The following MAML3 variants were observed in gnomAD, a reference collection of about 807,000 sequenced individuals.
MAML3 encodes mastermind-like protein 3.
A neutral mutation model predicts 101.9 loss-of-function variants in MAML3; 27 were observed. The ratio of observed to expected loss-of-function variants is 0.27; its 90% CI spans 0.20 to 0.37. The LOEUF is 0.37. Ranked by LOEUF, MAML3 falls within the 10% of genes least tolerant of loss-of-function variation. The probability of loss-of-function intolerance (pLI) is 1.00; values close to 1 mark genes in which losing one functional copy is unlikely to be tolerated. For synonymous variants in MAML3, 501 were observed against 555.9 expected (o/e 0.90, Z 1.39); for missense variants, 1,316 against 1,444.9 (o/e 0.91, Z 1.45).
At chr4:139,932,019 CA>C (rs993709278) in intron 1 of MAML3, among the ~76,000 whole-genome samples, 11 of 146,240 alleles carry the variant, frequency 7.5e-5, no homozygotes, top group Non-Finnish European at 3.0e-5. Flanking sequence ...AACTCTGTCT[CA>C]AAAAAAAAAG....
intron 3 of MAML3, among the ~76,000 whole-genome samples, chr4:139,727,854 G>C (rs942522503): frequency 1.3e-5 from 2 of 152,178 alleles, no homozygotes; most frequent in African/African-American, 4.8e-5. Flanking sequence ...TCCAAAGTGT[G>C]AGGACACTTT....
chr4:139,893,764 T>C (rs1252726069), intron 1 of MAML3, among the ~76,000 whole-genome samples: 1 of 152,128 alleles, frequency 6.6e-6, no homozygotes, highest in Non-Finnish European at 1.5e-5. Flanking sequence ...GCTAACTCTA[T>C]GGATTTATCA....
intron 2 of MAML3, among the ~76,000 whole-genome samples, chr4:139,775,508 G>T (rs1370772824): frequency 2.0e-5 from 3 of 152,030 alleles, no homozygotes; most frequent in African/African-American, 7.2e-5. Flanking sequence ...TAATTTAGTT[G>T]CCATTTCAAA....
At chr4:140,105,247 G>T (rs1383991868) in intron 1 of MAML3, among the ~76,000 whole-genome samples, 1 of 152,210 alleles carries the variant, frequency 6.6e-6, no homozygotes, top group Non-Finnish European at 1.5e-5. Flanking sequence ...CACATTCTTG[G>T]ATAAAACATC....
intron 2 of MAML3, among the ~76,000 whole-genome samples, chr4:139,746,403 G>C (rs1729321473): frequency 1.3e-5 from 2 of 152,070 alleles, no homozygotes; most frequent in African/African-American, 2.4e-5. Flanking sequence ...CTTGGAGACT[G>C]AGTGTCTTCT....
chr4:139,748,168 A>AC (rs902315563), intron 2 of MAML3, among the ~76,000 whole-genome samples: 14 of 152,018 alleles, frequency 9.2e-5, no homozygotes, highest in African/African-American at 3.4e-4. Context: ...GCTTCCAGAT[A>AC]CCCACAGGCT....
intron 1 of MAML3, among the ~76,000 whole-genome samples, chr4:140,017,876 G>A (rs1346041105): frequency 2.6e-5 from 4 of 151,790 alleles, no homozygotes; most frequent in Non-Finnish European, 4.4e-5. Context: ...TTAATACCCT[G>A]GTTGATAGAC....
intron 2 of MAML3, among the ~76,000 whole-genome samples, chr4:139,830,876 T>A (rs1189544521): frequency 6.6e-6 from 1 of 152,144 alleles, no homozygotes; most frequent in Non-Finnish European, 1.5e-5. Context: ...GCAGAAATCA[T>A]TCAGACATAG....
chr4:139,741,978 A>G (rs916386476), intron 2 of MAML3, among the ~76,000 whole-genome samples: 2 of 152,176 alleles, frequency 1.3e-5, no homozygotes, highest in Non-Finnish European at 2.9e-5. Context: ...ACCTTGAAAG[A>G]CTTGGAGACA....
chr4:140,043,259 A>C (rs959717771), intron 1 of MAML3, among the ~76,000 whole-genome samples: 3 of 152,170 alleles, frequency 2.0e-5, no homozygotes, highest in Non-Finnish European at 2.9e-5. Context: ...GGTCTGCTAA[A>C]TCTATCTAGA....
At chr4:139,986,617 CTT>C (rs113575434) in intron 1 of MAML3, among the ~76,000 whole-genome samples, 68 of 147,094 alleles carry the variant, frequency 4.6e-4, no homozygotes, top group Admixed American at 2.6e-3. Context: ...GTTCGACTTA[CTT>C]TTTTTTTTTT....
chr4:139,959,553 CCAG>C, intron 1 of MAML3, among the ~76,000 whole-genome samples: 1 of 152,304 alleles, frequency 6.6e-6, no homozygotes, highest in East Asian at 1.9e-4. Flanking sequence ...CAAAAACTGG[CCAG>C]CAGCAGTTTT....
rs374800969 is a variant in MAML3 at position 139,730,305 on chromosome 4, C to T, written c.2331+111G>A. Reference sequence around the variant, plus strand: ...CTTGTGATCCTGGGAAATGCTAGACCGTGAGCATCTTGATGGAGGATGTGA... The same window carrying T: ...CTTGTGATCCTGGGAAATGCTAGACTGTGAGCATCTTGATGGAGGATGTGA... On this transcript the variant is annotated intron_variant, in intron 3 of 4. Coordinates refer to ENST00000509479, the MANE Select transcript of MAML3 (RefSeq NM_018717.5). The T allele has an allele frequency of 1.3e-3, 1,215 of 933,476 alleles. 19 individuals are homozygous for T. In the South Asian group the frequency reaches 0.018, roughly 14 times the overall value. The allele number at this position is 933,476 out of a possible 1,614,324, so 57.8% of individuals were successfully genotyped here. A position where few individuals can be genotyped will look rare whatever the true frequency, so the allele number is the denominator to read the frequency against.
intron 1 of MAML3, among the ~76,000 whole-genome samples, chr4:140,088,553 C>G (rs887908546): frequency 6.6e-6 from 1 of 152,134 alleles, no homozygotes; most frequent in Non-Finnish European, 1.5e-5. Flanking sequence ...TAGTCTTTGT[C>G]CTATTCTACG....
At chr4:140,065,328 C>T (rs539159685) in intron 1 of MAML3, among the ~76,000 whole-genome samples, 19 of 151,378 alleles carry the variant, frequency 1.3e-4, no homozygotes, top group African/African-American at 3.6e-4. Context: ...AGGTAGAAGC[C>T]GATCTCTCTA....
chr4:140,127,841 C>T (rs1442011944), intron 1 of MAML3, among the ~76,000 whole-genome samples: 5 of 152,164 alleles, frequency 3.3e-5, no homozygotes, highest in Non-Finnish European at 7.3e-5. Context: ...AGAGATTTAA[C>T]CTCCTGGACC....
Position 140,153,503 on chromosome 4 carries a change from G to T in MAML3, c.-176C>A. On this transcript the variant is annotated 5_prime_UTR_variant, in exon 1 of 5. Transcript: ENST00000509479. ...AAAACGGGGGGGGAGATTTTGGGGTGGTTTTTGTTTCCTTTTTTTAAACTG... is the reference window on the plus strand; with the variant it reads ...AAAACGGGGGGGGAGATTTTGGGGTTGTTTTTGTTTCCTTTTTTTAAACTG... The T allele has an allele frequency of 2.9e-6, 2 of 685,068 alleles. No individual in the cohort carries two copies. The highest frequency in any genetic ancestry group is 4.5e-6 in the Non-Finnish European group (2 of 444,398). 42.4% of individuals were successfully genotyped at this position (685,068 alleles called of 1,614,324 possible). A position where few individuals can be genotyped will look rare whatever the true frequency, so the allele number is the denominator to read the frequency against.
intron 1 of MAML3, among the ~76,000 whole-genome samples, chr4:140,033,171 T>C (rs1314868405): frequency 6.6e-6 from 1 of 152,190 alleles, no homozygotes; most frequent in Non-Finnish European, 1.5e-5. Flanking sequence ...ATTGAACACA[T>C]CCTGTGAACA....
intron 1 of MAML3, among the ~76,000 whole-genome samples, chr4:139,955,520 A>C (rs1292251014): frequency 1.3e-5 from 2 of 151,992 alleles, no homozygotes; most frequent in Non-Finnish European, 2.9e-5. Context: ...TTAACAACTG[A>C]CTCATGTATC....
Sources: gnomAD v4.1 joint callset for allele counts (sites outside exome capture counted in the v4.1 genomes callset) on GRCh38, gnomAD v4.1.1 for gene constraint, MANE v1.5 for transcripts, NCBI Gene and HGNC (gene_info 2026-07-23, HGNC 2026-07-21) for gene names.